Variants in LGSN observed in about 807,000 individuals in gnomAD.
The protein encoded by LGSN is lengsin, lens protein with glutamine synthetase domain, also known as lengsin.
In LGSN, 21 loss-of-function variants were observed where a neutral mutation model predicts 19.5. That is an observed-to-expected ratio of 1.07 (90% confidence interval 0.76 to 1.55). LGSN has a LOEUF of 1.55. Ranked by LOEUF, LGSN falls within the 40% of genes most tolerant of loss-of-function variation. LGSN has a pLI of 0.00. For synonymous variants in LGSN, 257 were observed against 215.6 expected (o/e 1.19, Z -1.68); for missense variants, 673 against 608.5 (o/e 1.11, Z -1.12).
the LGSN span, among the ~76,000 whole-genome samples, chr6:63,459,564 C>G: frequency 6.6e-6 from 1 of 152,018 alleles, no homozygotes; most frequent in Non-Finnish European, 1.5e-5. Context: ...CCCGCCGCCC[C>G]CAACAAATCT....
chr6:63,558,625 C>T, the LGSN span, among the ~76,000 whole-genome samples: 1 of 152,168 alleles, frequency 6.6e-6, no homozygotes, highest in Non-Finnish European at 1.5e-5. Flanking sequence ...AATATAAATA[C>T]ATCCAGAGCT....
At chr6:63,467,984 GC>G in the LGSN span, among the ~76,000 whole-genome samples, 1 of 151,926 alleles carries the variant, frequency 6.6e-6, no homozygotes, top group Non-Finnish European at 1.5e-5. Flanking sequence ...GAGGCACCGG[GC>G]CCGGTCTTAA....
the LGSN span, among the ~76,000 whole-genome samples, chr6:63,408,049 A>G: frequency 2.6e-5 from 4 of 152,338 alleles, no homozygotes; most frequent in East Asian, 7.7e-4. Context: ...GAAATGGAAG[A>G]ACATTCCATG....
chr6:63,329,298 G>T, the LGSN span, among the ~76,000 whole-genome samples: 5 of 152,166 alleles, frequency 3.3e-5, no homozygotes, highest in Non-Finnish European at 5.9e-5. Flanking sequence ...GAGTCAGAGT[G>T]CAGGGGAATA....
the LGSN span, among the ~76,000 whole-genome samples, chr6:63,469,167 T>A: frequency 6.6e-6 from 1 of 152,234 alleles, no homozygotes; most frequent in Admixed American, 6.5e-5. Flanking sequence ...GTACTTTTAA[T>A]GAATTTATTA....
chr6:63,316,322 G>A (rs527237340), intron 1 of LGSN, among the ~76,000 whole-genome samples: 67 of 152,190 alleles, frequency 4.4e-4, no homozygotes, highest in Non-Finnish European at 8.5e-4. Context: ...TATGAGTCTC[G>A]TTTTTATTTC....
At chr6:63,374,411 C>T in the LGSN span, among the ~76,000 whole-genome samples, 18,427 of 152,136 alleles carry the variant, frequency 0.12, 2,443 homozygotes, top group African/African-American at 0.33. Context: ...AGAAGGGTAA[C>T]GCCACTACAG....
chr6:63,276,249 A>G lies in LGSN; in HGVS notation c.*3772T>C, dbSNP rs1181968591. 6.6e-6 allele frequency: 1 copy of G among 152,222 alleles called. No homozygotes were observed. Among genetic ancestry groups the G allele is most frequent in the Non-Finnish European group, 1.5e-5 (1 of 68,042 alleles). The allele number at this position is 152,222 out of a possible 1,614,324, so 9.4% of individuals were successfully genotyped here. On this transcript the variant is annotated 3_prime_UTR_variant, in exon 4 of 4. Coordinates refer to ENST00000370657, the MANE Select transcript of LGSN (RefSeq NM_016571.3). Reference sequence around the variant, plus strand: ...TACTGATAAGCTCAGACTTCACTGTATGCTTTCAATTTTTATTCAGATTAA... The same window carrying G: ...TACTGATAAGCTCAGACTTCACTGTGTGCTTTCAATTTTTATTCAGATTAA...
chr6:63,326,896 C>T, the LGSN span, among the ~76,000 whole-genome samples: 2 of 152,216 alleles, frequency 1.3e-5, no homozygotes, highest in African/African-American at 4.8e-5. Flanking sequence ...CAGAAAGGGG[C>T]TCCCATAGTG....
chr6:63,385,574 A>C, the LGSN span, among the ~76,000 whole-genome samples: 4 of 152,152 alleles, frequency 2.6e-5, no homozygotes, highest in South Asian at 8.3e-4. Flanking sequence ...ATCAGTTCTT[A>C]GTCTTCTTCC....
At chr6:63,568,173 C>T in the LGSN span, among the ~76,000 whole-genome samples, 1 of 152,180 alleles carries the variant, frequency 6.6e-6, no homozygotes, top group South Asian at 2.1e-4. Context: ...AGAGCTTTTC[C>T]TTGGCATTCA....
In LGSN at chr6:63,280,128, C is replaced by T. The variant is rs916438780; in HGVS notation, c.1423G>A (p.Ala475Thr). 4.3e-6 allele frequency: 7 copies of T among 1,614,214 alleles called. No homozygotes were observed. The East Asian group carries it at 1.1e-4, about 26-fold the overall frequency. ...TATCGAATAAAGGTTTCTCCTAGAG[C>T]CTGTCTCAGGCATTGATCTTCTTCC... ...ALEEDQCLRQ[A>T]LGETFIRYFV... Residue 475 changes from alanine (A) to threonine (T), a missense_variant, in exon 4 of 4, where the codon GCT becomes ACT. Physicochemically the swap from Ala to Thr is moderately conservative, Grantham distance 58. Transcript: ENST00000370657.
chr6:63,487,936 C>T, the LGSN span, among the ~76,000 whole-genome samples: 6 of 151,570 alleles, frequency 4.0e-5, no homozygotes, highest in South Asian at 2.1e-4. Context: ...GCCGAGATCA[C>T]GCCACTGCAT....
chr6:63,346,542 G>C, the LGSN span, among the ~76,000 whole-genome samples: 3 of 151,488 alleles, frequency 2.0e-5, no homozygotes, highest in African/African-American at 7.3e-5. Context: ...ATAATAAACT[G>C]GCAAAAAAAA....
the LGSN span, among the ~76,000 whole-genome samples, chr6:63,430,333 T>C: frequency 2.0e-5 from 3 of 152,206 alleles, no homozygotes; most frequent in Admixed American, 1.3e-4. Context: ...GGGTGCTTCA[T>C]TGATATCTTT....
At chr6:63,381,142 C>A in the LGSN span, among the ~76,000 whole-genome samples, 1 of 152,184 alleles carries the variant, frequency 6.6e-6, no homozygotes, top group Non-Finnish European at 1.5e-5. Flanking sequence ...GTCGAGGCTG[C>A]AGTGAGTCAT....
chr6:63,309,007 A>T (rs1768517272), intron 1 of LGSN, among the ~76,000 whole-genome samples: 1 of 152,230 alleles, frequency 6.6e-6, no homozygotes, highest in African/African-American at 2.4e-5. Flanking sequence ...GTTTAAGAAA[A>T]TAATCCAAGA....
the LGSN span, among the ~76,000 whole-genome samples, chr6:63,528,453 A>G: frequency 6.6e-6 from 1 of 151,670 alleles, no homozygotes; most frequent in African/African-American, 2.4e-5. Flanking sequence ...GGCCGGGTAC[A>G]GTGGTTCATG....
At chr6:63,517,379 T>A in the LGSN span, among the ~76,000 whole-genome samples, 43 of 152,276 alleles carry the variant, frequency 2.8e-4, no homozygotes, top group African/African-American at 1.0e-3. Flanking sequence ...GGTAACCACA[T>A]ATTTTCTTAC....
Sources: gnomAD v4.1 joint callset for allele counts (sites outside exome capture counted in the v4.1 genomes callset) on GRCh38, gnomAD v4.1.1 for gene constraint, MANE v1.5 for transcripts, NCBI Gene and HGNC (gene_info 2026-07-23, HGNC 2026-07-21) for gene names.